LINGO2: variants seen among roughly 807,000 people sequenced by gnomAD.
LINGO2 encodes the protein leucine-rich repeat and immunoglobulin-like domain-containing nogo receptor-interacting protein 2.
In LINGO2, 14 loss-of-function variants were observed where a neutral mutation model predicts 30.6. That is an observed-to-expected ratio of 0.46 (90% CI 0.30 to 0.72). The LOEUF is 0.72. Among genes scored for constraint, LINGO2 ranks in the 30% least tolerant of loss-of-function variants. The probability of loss-of-function intolerance (pLI) is 0.07; values close to 1 mark genes in which losing one functional copy is unlikely to be tolerated. For synonymous variants in LINGO2, 317 were observed against 288.5 expected, an observed-to-expected ratio of 1.10 and a Z score of -1.00; for missense variants, 729 against 751.7, an observed-to-expected ratio of 0.97 and a Z score of 0.35.
At chr9:28,693,252 G>A in the LINGO2 span, among the ~76,000 whole-genome samples, 38 of 152,114 alleles carry the variant, frequency 2.5e-4, no homozygotes, top group African/African-American at 8.4e-4. Context: ...TTAAACATAC[G>A]AAATGATAGA....
chr9:28,698,405 C>G, the LINGO2 span, among the ~76,000 whole-genome samples: 4 of 151,942 alleles, frequency 2.6e-5, no homozygotes, highest in Admixed American at 2.6e-4. Context: ...CATGTTGTAT[C>G]AATGTTTAAT....
chr9:28,856,974 G>C, the LINGO2 span, among the ~76,000 whole-genome samples: 2 of 152,042 alleles, frequency 1.3e-5, no homozygotes, highest in African/African-American at 4.8e-5. Context: ...CTGCACCTGT[G>C]TACCGATGTT....
At chr9:28,462,396 C>A in intron 2 of LINGO2, among the ~76,000 whole-genome samples, 1 of 121,140 alleles carries the variant, frequency 8.3e-6, no homozygotes. Context: ...ACTAGAATAA[C>A]ATTCATCATG....
At chr9:29,212,806 C>G in the LINGO2 span, among the ~76,000 whole-genome samples, 4 of 152,148 alleles carry the variant, frequency 2.6e-5, no homozygotes, top group African/African-American at 9.6e-5. Context: ...GTCGTGCGAT[C>G]GCGTAGCGAC....
rs140538832 is a variant in LINGO2 at position 28,095,849 on chromosome 9, A to C, written c.-86-83444T>G. 5.3e-3 allele frequency among the ~76,000 whole-genome samples: 810 copies of C among 152,326 alleles called. 4 individuals carry two copies. Among genetic ancestry groups the C allele is most frequent in the African/African-American group, 0.018 (731 of 41,584 alleles). On this transcript the variant is annotated intron_variant, in intron 4 of 5. Transcript: ENST00000379992. Reference sequence around the variant, plus strand: ...TAACATCAGAATCTACAATGAACTCAAACAAATTTACAAGAAAAAAACAAA... The same window carrying C: ...TAACATCAGAATCTACAATGAACTCCAACAAATTTACAAGAAAAAAACAAA...
the LINGO2 span, chr9:27,942,414 CA>C: frequency 6.6e-6 from 1 of 152,138 alleles, no homozygotes; most frequent in Non-Finnish European, 1.5e-5. Flanking sequence ...ACTGAGATGT[CA>C]GATGCTTAAG....
intron 5 of LINGO2, among the ~76,000 whole-genome samples, chr9:27,970,320 G>A (rs555917858): frequency 2.0e-5 from 3 of 152,092 alleles, no homozygotes; most frequent in African/African-American, 2.4e-5. Context: ...CCTTAGGCTC[G>A]GGGGATCTGT....
At chr9:28,602,734 A>G (rs1825541020) in intron 1 of LINGO2, among the ~76,000 whole-genome samples, 1 of 152,078 alleles carries the variant, frequency 6.6e-6, no homozygotes, top group South Asian at 2.1e-4. Flanking sequence ...AGAAAAATCC[A>G]TATTTAGATT....
At chr9:28,017,886 T>C (rs576012277) in intron 4 of LINGO2, among the ~76,000 whole-genome samples, 1 of 151,862 alleles carries the variant, frequency 6.6e-6, no homozygotes, top group African/African-American at 2.4e-5. Flanking sequence ...AAAAAACAGC[T>C]CAAATAGCCA....
chr9:28,058,913 C>T (rs1825050108), intron 4 of LINGO2, among the ~76,000 whole-genome samples: 1 of 152,082 alleles, frequency 6.6e-6, no homozygotes, highest in Admixed American at 6.6e-5. Context: ...TACATGCATG[C>T]AATTTATAAG....
intron 1 of LINGO2, among the ~76,000 whole-genome samples, chr9:28,494,879 G>C (rs1326145882): frequency 6.6e-6 from 1 of 152,160 alleles, no homozygotes. Flanking sequence ...TCCAGCACCT[G>C]TTGTTTCCTG....
chr9:28,544,742 T>G (rs1821855773), intron 1 of LINGO2, among the ~76,000 whole-genome samples: 1 of 149,568 alleles, frequency 6.7e-6, no homozygotes, highest in Non-Finnish European at 1.5e-5. Flanking sequence ...TAAAATACTA[T>G]TATATGATAT....
chr9:29,183,610 T>C, the LINGO2 span, among the ~76,000 whole-genome samples: 1 of 152,206 alleles, frequency 6.6e-6, no homozygotes, highest in African/African-American at 2.4e-5. Context: ...TCCTCTATTC[T>C]GAGCACTTAG....
the LINGO2 span, among the ~76,000 whole-genome samples, chr9:28,798,428 C>T: frequency 0.01 from 1,523 of 152,130 alleles, 28 homozygotes; most frequent in African/African-American, 0.034. Flanking sequence ...GGAGATAAAA[C>T]AGAGTGTATG....
At chr9:28,119,710 C>T (rs1213771987) in intron 4 of LINGO2, among the ~76,000 whole-genome samples, 1 of 152,080 alleles carries the variant, frequency 6.6e-6, no homozygotes, top group Non-Finnish European at 1.5e-5. Flanking sequence ...GAAGTCTGGC[C>T]CTCTTTTGGC....
intron 2 of LINGO2, among the ~76,000 whole-genome samples, chr9:28,403,374 G>A (rs1192563249): frequency 6.6e-6 from 1 of 152,140 alleles, no homozygotes; most frequent in Non-Finnish European, 1.5e-5. Flanking sequence ...TTCTGTCAAA[G>A]GCTGCAGCTT....
At chr9:28,927,839 T>C in the LINGO2 span, among the ~76,000 whole-genome samples, 2 of 152,216 alleles carry the variant, frequency 1.3e-5, no homozygotes, top group Non-Finnish European at 2.9e-5. Context: ...ATGAAGAAAC[T>C]GACATTCATT....
At chr9:28,876,775 A>G in the LINGO2 span, among the ~76,000 whole-genome samples, 5 of 152,118 alleles carry the variant, frequency 3.3e-5, no homozygotes, top group African/African-American at 4.8e-5. Context: ...CAGTAATAGG[A>G]TGGCTGGGTC....
At chr9:27,991,647 T>C (rs1021692118) in intron 5 of LINGO2, among the ~76,000 whole-genome samples, 7 of 151,988 alleles carry the variant, frequency 4.6e-5, no homozygotes, top group African/African-American at 1.2e-4. Context: ...AAGTAAAACA[T>C]TGATCATGCA....
Sources: allele counts gnomAD v4.1 joint callset (sites outside exome capture counted in the v4.1 genomes callset), GRCh38; gene constraint gnomAD v4.1.1; transcripts MANE v1.5; gene names NCBI Gene and HGNC (gene_info 2026-07-23, HGNC 2026-07-21).